USH2A: variants seen among roughly 807,000 people sequenced by gnomAD.
The protein encoded by USH2A is Usher syndrome 2A (autosomal recessive, mild).
A neutral mutation model predicts 538.9 loss-of-function variants in USH2A; 443 were observed. The ratio of observed to expected loss-of-function variants is 0.82; its 90% CI spans 0.76 to 0.89. The LOEUF is 0.89. Ranked by LOEUF, USH2A falls within the 40% of genes least tolerant of loss-of-function variation. USH2A has a pLI of 0.00. For synonymous variants in USH2A, 2,413 were observed against 2,273.5 expected, an observed-to-expected ratio of 1.06 and a Z score of -1.75; for missense variants, 6,633 against 6,324.8, an observed-to-expected ratio of 1.05 and a Z score of -1.65.
At chr1:216,110,513 C>T (rs1045072748) in intron 21 of USH2A, among the ~76,000 whole-genome samples, 1 of 152,124 alleles carries the variant, frequency 6.6e-6, no homozygotes, top group Non-Finnish European at 1.5e-5. Flanking sequence ...CTTGCCTTTG[C>T]TTTCACCAAA....
chr1:216,087,182 C>T (rs1382224268), intron 23 of USH2A, among the ~76,000 whole-genome samples: 2 of 152,154 alleles, frequency 1.3e-5, no homozygotes, highest in East Asian at 3.9e-4. Context: ...GTTCATATTT[C>T]TAATGCCCAC....
chr1:216,270,550 A>T (rs918359326), intron 11 of USH2A, among the ~76,000 whole-genome samples: 3 of 152,058 alleles, frequency 2.0e-5, no homozygotes, highest in Non-Finnish European at 2.9e-5. Flanking sequence ...GTGAGTTTTG[A>T]AAGGTCATAC....
At chr1:215,715,325 T>C (rs1571979605) in intron 61 of USH2A, among the ~76,000 whole-genome samples, 2 of 152,214 alleles carry the variant, frequency 1.3e-5, no homozygotes, top group Admixed American at 1.3e-4. Context: ...GATAGTGGAG[T>C]CTTAACTGTT....
intron 14 of USH2A, among the ~76,000 whole-genome samples, chr1:216,218,175 G>A (rs1337075359): frequency 1.3e-5 from 2 of 152,084 alleles, no homozygotes; most frequent in Non-Finnish European, 2.9e-5. Flanking sequence ...GGAGAATACA[G>A]CATTATTCTG....
At chr1:215,853,106 C>T (rs1308690521) in intron 44 of USH2A, among the ~76,000 whole-genome samples, 1 of 152,224 alleles carries the variant, frequency 6.6e-6, no homozygotes, top group African/African-American at 2.4e-5. Flanking sequence ...GAGTGCCTGC[C>T]CCTGCAGCAA....
intron 61 of USH2A, among the ~76,000 whole-genome samples, chr1:215,721,403 A>G (rs181549204): frequency 1.4e-3 from 217 of 152,188 alleles, no homozygotes; most frequent in African/African-American, 4.9e-3. Context: ...AAACACTTGG[A>G]ATGAGTCTTA....
At chr1:215,882,468 A>T (rs1457547426) in intron 41 of USH2A, among the ~76,000 whole-genome samples, 1 of 152,204 alleles carries the variant, frequency 6.6e-6, no homozygotes, top group Non-Finnish European at 1.5e-5. Context: ...TAAAAATATT[A>T]ATCTTAATTT....
At chr1:216,251,827 T>G (rs530409918) in intron 11 of USH2A, among the ~76,000 whole-genome samples, 22 of 152,192 alleles carry the variant, frequency 1.4e-4, no homozygotes, top group Non-Finnish European at 3.2e-4. Flanking sequence ...AGGGAGAATC[T>G]TTCTATAATG....
chr1:216,420,666 C>T (rs992681387), intron 2 of USH2A, among the ~76,000 whole-genome samples: 3 of 152,030 alleles, frequency 2.0e-5, no homozygotes, highest in Non-Finnish European at 4.4e-5. Flanking sequence ...TATCTTAGCC[C>T]TATTTGTCAA....
At chr1:215,677,849 T>C (rs1418692269) in intron 62 of USH2A, among the ~76,000 whole-genome samples, 2 of 152,156 alleles carry the variant, frequency 1.3e-5, no homozygotes, top group Non-Finnish European at 2.9e-5. Context: ...TGCTAACGGA[T>C]TCTGAACATT....
intron 37 of USH2A, among the ~76,000 whole-genome samples, chr1:215,949,260 A>G (rs1035800964): frequency 2.0e-5 from 3 of 152,110 alleles, no homozygotes; most frequent in Admixed American, 2.0e-4. Context: ...CCTTATGGGG[A>G]AAATAACAAA....
intron 34 of USH2A, among the ~76,000 whole-genome samples, chr1:215,996,947 G>A (rs1053878419): frequency 2.6e-5 from 4 of 152,078 alleles, no homozygotes; most frequent in Non-Finnish European, 2.9e-5. Context: ...TAAAGGCTTT[G>A]TTATCTTTAT....
intron 58 of USH2A, among the ~76,000 whole-genome samples, chr1:215,752,428 T>A (rs1006483497): frequency 1.3e-5 from 2 of 152,112 alleles, no homozygotes; most frequent in Admixed American, 6.6e-5. Flanking sequence ...TGGATGAAGG[T>A]TTACATGGGA....
intron 38 of USH2A, among the ~76,000 whole-genome samples, chr1:215,904,034 G>GA (rs1206748086): frequency 3.3e-5 from 5 of 151,928 alleles, no homozygotes; most frequent in Non-Finnish European, 7.4e-5. Context: ...TGCATACATA[G>GA]AAAAAAGAGC....
intron 43 of USH2A, among the ~76,000 whole-genome samples, chr1:215,875,767 A>G (rs1664745453): frequency 6.6e-6 from 1 of 151,006 alleles, no homozygotes; most frequent in South Asian, 2.1e-4. Context: ...TAAGCACTTA[A>G]GAGTTCATAG....
intron 60 of USH2A, among the ~76,000 whole-genome samples, chr1:215,730,340 T>C (rs912341030): frequency 1.3e-5 from 2 of 152,278 alleles, no homozygotes; most frequent in East Asian, 3.9e-4. Flanking sequence ...AGGCTAAAAG[T>C]TATGGAATCC....
chr1:216,220,045 T>C (rs568413878), intron 14 of USH2A, among the ~76,000 whole-genome samples: 1 of 152,286 alleles, frequency 6.6e-6, no homozygotes, highest in Admixed American at 6.5e-5. Context: ...GTGGAAACAG[T>C]GAGAGAAATG....
At chr1:216,398,685 C>T (rs1310054045) in intron 3 of USH2A, among the ~76,000 whole-genome samples, 1 of 152,124 alleles carries the variant, frequency 6.6e-6, no homozygotes, top group African/African-American at 2.4e-5. Flanking sequence ...TTTTGATTCC[C>T]TTTCACAGTG....
chr1:216,146,923 A>G (rs1001343535), intron 21 of USH2A, among the ~76,000 whole-genome samples: 42 of 152,114 alleles, frequency 2.8e-4, no homozygotes, highest in Non-Finnish European at 4.1e-4. Context: ...CTGCAATGCC[A>G]CTTGACCCCA....
Sources: gnomAD v4.1 joint callset for allele counts (sites outside exome capture counted in the v4.1 genomes callset) on GRCh38, gnomAD v4.1.1 for gene constraint, MANE v1.5 for transcripts, NCBI Gene and HGNC (gene_info 2026-07-23, HGNC 2026-07-21) for gene names.